The following DPY19L1 variants were observed in gnomAD, a reference collection of about 807,000 sequenced individuals.
The protein encoded by DPY19L1 is protein C-mannosyl-transferase DPY19L1.
In DPY19L1, 35 loss-of-function variants were observed where a neutral mutation model predicts 96.9. The observed-to-expected ratio is 0.36, with a 90% confidence interval of 0.28 to 0.48. The LOEUF (loss-of-function observed/expected upper bound fraction) is 0.48, where lower values mean the gene tolerates loss of function less well. Ranked by LOEUF, DPY19L1 falls within the 20% of genes least tolerant of loss-of-function variation. The pLI, the probability that DPY19L1 is intolerant of heterozygous loss-of-function variation, is 0.99. For synonymous variants in DPY19L1, 205 were observed against 252.6 expected (o/e 0.81, Z 1.79); for missense variants, 521 against 777.9 (o/e 0.67, Z 3.93).
chr7:35,024,850 C>T (rs1786084736), intron 1 of DPY19L1, among the ~76,000 whole-genome samples: 1 of 152,196 alleles, frequency 6.6e-6, no homozygotes, highest in Non-Finnish European at 1.5e-5. Flanking sequence ...ATGCAATGGC[C>T]TCAAGGCTGA....
chr7:34,958,764 C>A (rs1465899078), intron 10 of DPY19L1, among the ~76,000 whole-genome samples: 1 of 152,174 alleles, frequency 6.6e-6, no homozygotes, highest in Non-Finnish European at 1.5e-5. Flanking sequence ...CTGTATTATT[C>A]TTTTAAATAT....
At chr7:34,949,978 G>A (rs1025973775) in intron 13 of DPY19L1, 80 bp from the exon 14 acceptor site, 12 of 752,078 alleles carry the variant, frequency 1.6e-5, no homozygotes, top group Admixed American at 3.4e-5. Context: ...TCTGAAAATA[G>A]TTTTCATTAC....
chr7:35,036,415 T>A (rs1466235787), intron 1 of DPY19L1, among the ~76,000 whole-genome samples: 1 of 151,070 alleles, frequency 6.6e-6, no homozygotes, highest in East Asian at 1.9e-4. Context: ...TCAACTTTGT[T>A]TTTTTTTTTC....
At chr7:34,988,128 CAT>C (rs1430809899) in intron 7 of DPY19L1, 2 of 152,062 alleles carry the variant, frequency 1.3e-5, no homozygotes, top group Non-Finnish European at 2.9e-5. Flanking sequence ...GTTCATGCCA[CAT>C]GAGTATCAAA....
intron 6 of DPY19L1, among the ~76,000 whole-genome samples, chr7:35,001,226 G>A (rs1785419178): frequency 1.3e-5 from 2 of 152,162 alleles, no homozygotes; most frequent in Non-Finnish European, 2.9e-5. Flanking sequence ...ATCTGCAGAA[G>A]GAAAGCTTCA....
At chr7:34,937,345 T>A (rs1460021932) in intron 21 of DPY19L1, among the ~76,000 whole-genome samples, 1 of 152,216 alleles carries the variant, frequency 6.6e-6, no homozygotes, top group Non-Finnish European at 1.5e-5. Context: ...CAGGACATGG[T>A]GTAGCACAGA....
Position 35,005,772 on chromosome 7 carries a change from T to C in DPY19L1, c.764+4696A>G, listed in dbSNP as rs374985147. Among the ~76,000 whole-genome samples, 11 of 151,400 alleles carry C rather than the reference T, an allele frequency of 7.3e-5. No individual in the cohort carries two copies. In the East Asian group the frequency reaches 1.4e-3, roughly 19 times the overall value. ...AATGCAGTGAGCTGAGATCGCACCA[T>C]TGCACTCCAGCCTGGGCAACAGAGT... On this transcript the variant is annotated intron_variant, in intron 6 of 21. Coordinates refer to ENST00000638088, the MANE Select transcript of DPY19L1 (RefSeq NM_001366673.1).
intron 3 of DPY19L1, among the ~76,000 whole-genome samples, chr7:35,014,200 T>C (rs1292707944): frequency 6.6e-6 from 1 of 152,180 alleles, no homozygotes; most frequent in Non-Finnish European, 1.5e-5. Context: ...TACACACTGA[T>C]GTATTATTAC....
chr7:34,970,835 T>A (rs1358827565), intron 8 of DPY19L1, among the ~76,000 whole-genome samples: 1 of 139,398 alleles, frequency 7.2e-6, no homozygotes, highest in Non-Finnish European at 1.5e-5. Context: ...ACATAAATAT[T>A]GCCAAGAATG....
intron 7 of DPY19L1, among the ~76,000 whole-genome samples, chr7:34,979,344 A>T (rs1346959331): frequency 2.6e-5 from 4 of 152,166 alleles, no homozygotes; most frequent in Admixed American, 2.6e-4. Flanking sequence ...TTCTGACTAC[A>T]AAATGAAAGC....
In DPY19L1 at chr7:35,017,973, G is replaced by A. The variant is rs758358250; in HGVS notation, c.324-4C>T. On this transcript the variant is annotated splice_polypyrimidine_tract_variant and splice_region_variant and intron_variant, in intron 2 of 21. Coordinates refer to ENST00000638088, the MANE Select transcript of DPY19L1 (RefSeq NM_001366673.1). ...AAAGAGGTGTGTTATATGGCTCCTG[G>A]AAAAACAAAACAAAGCAATAGTGTT... 1 of 1,593,128 alleles carries A rather than the reference G, an allele frequency of 6.3e-7. No homozygotes were observed. The highest frequency in any genetic ancestry group is 1.7e-5 in the Admixed American group (1 of 57,458).
chr7:34,969,425 C>T lies in DPY19L1; in HGVS notation c.1014+8G>A. 3 of 1,463,594 alleles carry T rather than the reference C, an allele frequency of 2.0e-6. No individual in the cohort carries two copies. Among genetic ancestry groups the T allele is most frequent in the Non-Finnish European group, 2.7e-6 (3 of 1,097,282 alleles). 90.7% of individuals were successfully genotyped at this position (1,463,594 alleles called of 1,614,324 possible). ...AGCTTAAAACAGCTTAAAATATAAT[C>T]ACCTCACCTGAGTAAGAAGTACAAA... On this transcript the variant is annotated splice_region_variant and intron_variant, in intron 9 of 21. Transcript: ENST00000638088.
At chr7:35,011,206 T>C (rs1785702227) in intron 5 of DPY19L1, 124 bp downstream of exon 5, 1 of 1,139,504 alleles carries the variant, frequency 8.8e-7, no homozygotes, top group East Asian at 2.7e-5. Context: ...ACTTGCAGAA[T>C]CTATATATGC....
At chr7:34,938,792 C>T (rs1386363817) in intron 20 of DPY19L1, among the ~76,000 whole-genome samples, 2 of 151,888 alleles carry the variant, frequency 1.3e-5, no homozygotes, top group African/African-American at 4.8e-5. Flanking sequence ...TTTTTAAAGT[C>T]TCAAAAAAAT....
upstream of DPY19L1, chr7:35,037,924 G>T (rs551199591): frequency 1.5e-5 from 18 of 1,233,636 alleles, no homozygotes; most frequent in East Asian, 1.6e-4. Context: ...CGAAGGAAGA[G>T]CCCTCTCGGG....
chr7:34,997,362 G>A (rs1785310443), intron 6 of DPY19L1, among the ~76,000 whole-genome samples: 1 of 149,382 alleles, frequency 6.7e-6, no homozygotes, highest in Admixed American at 6.6e-5. Context: ...GGAGGCCGAG[G>A]CGGGCGGATC....
At chr7:34,959,884 T>C (rs1784455754) in intron 10 of DPY19L1, among the ~76,000 whole-genome samples, 1 of 134,520 alleles carries the variant, frequency 7.4e-6, no homozygotes, top group Admixed American at 8.4e-5. Context: ...AATATATATG[T>C]TTATTTGTAT....
At chr7:34,995,994 C>T (rs1042539712) in intron 6 of DPY19L1, among the ~76,000 whole-genome samples, 4 of 151,998 alleles carry the variant, frequency 2.6e-5, no homozygotes, top group African/African-American at 4.8e-5. Flanking sequence ...GGATAAGAAT[C>T]GGGAAGGGTG....
chr7:34,937,103 C>T (rs897437919), intron 21 of DPY19L1, among the ~76,000 whole-genome samples: 28 of 152,210 alleles, frequency 1.8e-4, no homozygotes, highest in Non-Finnish European at 3.1e-4. Flanking sequence ...CAGTCACTTA[C>T]GTGCCACATT....
Sources: allele counts gnomAD v4.1 joint callset (sites outside exome capture counted in the v4.1 genomes callset), GRCh38; gene constraint gnomAD v4.1.1; transcripts MANE v1.5; gene names NCBI Gene and HGNC (gene_info 2026-07-23, HGNC 2026-07-21).